RABEPK: variants seen among roughly 807,000 people sequenced by gnomAD.
The protein encoded by RABEPK is 40 kDa Rab9 effector protein.
RABEPK carries 27 observed loss-of-function variants against 34.1 expected under a neutral mutation model. That is an observed-to-expected ratio of 0.79 (90% CI 0.58 to 1.09). RABEPK has a LOEUF of 1.09. Ranked by LOEUF, RABEPK falls within the 50% of genes least tolerant of loss-of-function variation. The probability of loss-of-function intolerance (pLI) is 0.00; values close to 1 mark genes in which losing one functional copy is unlikely to be tolerated. For missense variants in RABEPK, 449 were observed against 462.6 expected (o/e 0.97, Z 0.27); for synonymous variants, 172 against 169.2 (o/e 1.02, Z -0.13).
chr9:125,213,014 G>C (rs548445462), intron 3 of RABEPK, among the ~76,000 whole-genome samples: 2 of 152,210 alleles, frequency 1.3e-5, no homozygotes, highest in Non-Finnish European at 2.9e-5. Flanking sequence ...GTAGAGCCCA[G>C]GATCATGAGA....
chr9:125,217,305 T>G (rs1333034522), intron 4 of RABEPK, among the ~76,000 whole-genome samples: 4 of 152,214 alleles, frequency 2.6e-5, no homozygotes, highest in Non-Finnish European at 4.4e-5. Flanking sequence ...TCTGGAACCC[T>G]GGCCTTTTGA....
At chr9:125,224,109 C>T (rs1442257480) in intron 5 of RABEPK, among the ~76,000 whole-genome samples, 3 of 151,376 alleles carry the variant, frequency 2.0e-5, no homozygotes, top group Non-Finnish European at 2.9e-5. Context: ...GCAGGAGAAT[C>T]GCTTCTCCTG....
intron 4 of RABEPK, among the ~76,000 whole-genome samples, chr9:125,218,066 C>G (rs1482552441): frequency 2.6e-5 from 4 of 151,672 alleles, no homozygotes; most frequent in Non-Finnish European, 4.4e-5. Context: ...AATCTCAGCA[C>G]TTTGGGAGGC....
chr9:125,214,935 C>T (rs1830825823), intron 4 of RABEPK, among the ~76,000 whole-genome samples: 1 of 151,848 alleles, frequency 6.6e-6, no homozygotes, highest in Non-Finnish European at 1.5e-5. Flanking sequence ...GGATTACAGG[C>T]ATGCGCCACC....
At chr9:125,207,757 C>A in intron 3 of RABEPK, 36 bp downstream of exon 3, 1 of 1,609,856 alleles carries the variant, frequency 6.2e-7, no homozygotes, top group Non-Finnish European at 8.5e-7. Context: ...TGCCCTATGG[C>A]CAGAGAACAG....
chr9:125,210,031 C>T (rs1007730423), intron 3 of RABEPK, among the ~76,000 whole-genome samples: 8 of 152,062 alleles, frequency 5.3e-5, no homozygotes, highest in Admixed American at 2.0e-4. Flanking sequence ...TCATTGTATC[C>T]CAGACACTAC....
chr9:125,203,853 T>G (rs896950562), intron 2 of RABEPK, among the ~76,000 whole-genome samples: 1 of 148,934 alleles, frequency 6.7e-6, no homozygotes, highest in Non-Finnish European at 1.5e-5. Flanking sequence ...ACCAATATGG[T>G]GAAACCCCAT....
rs532584509 is a variant in RABEPK, at chr9:125,200,630, C to T, written c.-283C>T. On this transcript the variant is annotated 5_prime_UTR_variant, in exon 1 of 8. Coordinates refer to ENST00000373538, the MANE Select transcript of RABEPK (RefSeq NM_005833.4). ...GGGCGAGGGTCCCCGGATACCGGGTCTATCACGGTCTCGGGCAGGGAGTCT... is the reference window on the plus strand; with the variant it reads ...GGGCGAGGGTCCCCGGATACCGGGTTTATCACGGTCTCGGGCAGGGAGTCT... 2.1e-6 allele frequency: 1 copy of T among 467,644 alleles called. No individual in the cohort carries two copies. The highest frequency in any genetic ancestry group is 2.0e-5 in the African/African-American group (1 of 50,188). 29.0% of individuals were successfully genotyped at this position (467,644 alleles called of 1,614,324 possible). A position where few individuals can be genotyped will look rare whatever the true frequency, so the allele number is the denominator to read the frequency against.
intron 2 of RABEPK, among the ~76,000 whole-genome samples, chr9:125,206,158 C>A (rs530097558): frequency 6.6e-6 from 1 of 152,196 alleles, no homozygotes; most frequent in Admixed American, 6.6e-5. Flanking sequence ...ACAGAATTTT[C>A]TTTTCCAATC....
At chr9:125,232,006 T>A (rs1832217712) in intron 6 of RABEPK, among the ~76,000 whole-genome samples, 1 of 150,502 alleles carries the variant, frequency 6.6e-6, no homozygotes, top group Non-Finnish European at 1.5e-5. Context: ...TTCAAGCGAT[T>A]CTCATGCCTC....
At chr9:125,226,343 AGTT>A (rs1459839830) in intron 5 of RABEPK, among the ~76,000 whole-genome samples, 1 of 151,842 alleles carries the variant, frequency 6.6e-6, no homozygotes, top group Non-Finnish European at 1.5e-5. Context: ...AAAAAAAAAA[AGTT>A]GAGTGCCACT....
chr9:125,220,699 A>C lies in RABEPK; in HGVS notation c.525A>C (p.Ala175=), dbSNP rs1831271294. Residue 175 remains alanine, a splice_region_variant and synonymous_variant, in exon 5 of 8, where the codon GCA becomes GCC. Coordinates refer to ENST00000373538, the MANE Select transcript of RABEPK (RefSeq NM_005833.4). ...ACACGAAGCTGCATGTGTTTGACGCAAGTATGGACTGGTGGGCACCTTGGG... is the reference window on the plus strand; with the variant it reads ...ACACGAAGCTGCATGTGTTTGACGCCAGTATGGACTGGTGGGCACCTTGGG... ...VQDTKLHVFD[A]NTLTWSQPET... 1 of 1,613,762 alleles carries C rather than the reference A, an allele frequency of 6.2e-7. No homozygotes were observed. Among genetic ancestry groups the C allele is most frequent in the African/African-American group, 1.3e-5 (1 of 74,948 alleles).
chr9:125,232,596 G>T lies in RABEPK; in HGVS notation c.677G>T (p.Ser226Ile). The change falls in exon 7 of 8, where the codon AGT becomes ATT. Residue 226 changes from serine to isoleucine, a missense_variant and splice_region_variant. Coordinates refer to ENST00000373538, the MANE Select transcript of RABEPK (RefSeq NM_005833.4). ...CAAAGCTCTTTCTTTCTCTTGGCAGGTGACATGAAATGGCAGAAGCTAAAT... is the reference window on the plus strand; with the variant it reads ...CAAAGCTCTTTCTTTCTCTTGGCAGTTGACATGAAATGGCAGAAGCTAAAT... ...FYDDLHCIDI[S>I]DMKWQKLNPT... 6.2e-7 allele frequency: 1 copy of T among 1,611,082 alleles called. No individual in the cohort carries two copies. Among genetic ancestry groups the T allele is most frequent in the Non-Finnish European group, 8.5e-7 (1 of 1,178,546 alleles).
chr9:125,213,730 A>G (rs1168311396), intron 4 of RABEPK, among the ~76,000 whole-genome samples: 2 of 152,242 alleles, frequency 1.3e-5, no homozygotes, highest in Non-Finnish European at 2.9e-5. Flanking sequence ...AACACATACA[A>G]TTTTTAACTT....
At chr9:125,225,962 CA>C (rs60277969) in intron 5 of RABEPK, among the ~76,000 whole-genome samples, 105 of 98,504 alleles carry the variant, frequency 1.1e-3, no homozygotes, top group Admixed American at 1.7e-3. Flanking sequence ...GACTCTGTTT[CA>C]AAAAAAAAAA....
At chr9:125,228,521 A>G (rs1225360233) in intron 6 of RABEPK, among the ~76,000 whole-genome samples, 1 of 151,000 alleles carries the variant, frequency 6.6e-6, no homozygotes, top group Non-Finnish European at 1.5e-5. Context: ...GCCTATTGTC[A>G]TGGCACATGT....
At position 125,233,707 on chromosome 9, in the gene RABEPK, G is replaced by C; in HGVS notation, c.846G>C (p.Leu282Phe). 1 of 1,613,872 alleles carries C rather than the reference G, an allele frequency of 6.2e-7. No individual in the cohort carries two copies. Among genetic ancestry groups the C allele is most frequent in the Non-Finnish European group, 8.5e-7 (1 of 1,179,856 alleles). ...ACATAGAAGAGCAGCATTGGACCTTGCTTAAATTTGATACTCTTCTACCCC... is the reference window on the plus strand; with the variant it reads ...ACATAGAAGAGCAGCATTGGACCTTCCTTAAATTTGATACTCTTCTACCCC... ...QYHTEEQHWT[L>F]LKFDTLLPPG... Residue 282 changes from leucine (L) to phenylalanine (F), a missense_variant, in exon 8 of 8, where the codon TTG (leucine) becomes TTC (phenylalanine). Coordinates refer to ENST00000373538, the MANE Select transcript of RABEPK (RefSeq NM_005833.4).
intron 1 of RABEPK, among the ~76,000 whole-genome samples, chr9:125,201,762 G>A (rs1360807802): frequency 1.3e-5 from 2 of 151,734 alleles, no homozygotes; most frequent in African/African-American, 4.8e-5. Context: ...TACAGGCGTG[G>A]GCCACAACGC....
chr9:125,208,327 C>T (rs544702004), intron 3 of RABEPK, among the ~76,000 whole-genome samples: 2 of 152,284 alleles, frequency 1.3e-5, no homozygotes, highest in South Asian at 4.1e-4. Flanking sequence ...ATTCTATTCA[C>T]ATATCCAATA....
Sources: gnomAD v4.1 joint callset for allele counts (sites outside exome capture counted in the v4.1 genomes callset) on GRCh38, gnomAD v4.1.1 for gene constraint, MANE v1.5 for transcripts, NCBI Gene and HGNC (gene_info 2026-07-23, HGNC 2026-07-21) for gene names.